FRYL: variants seen among roughly 807,000 people sequenced by gnomAD.
The protein encoded by FRYL is protein furry homolog-like.
A neutral mutation model predicts 351.2 loss-of-function variants in FRYL; 150 were observed. The observed-to-expected ratio is 0.43, with a 90% confidence interval of 0.37 to 0.49. The LOEUF (loss-of-function observed/expected upper bound fraction) is 0.49, where lower values mean the gene tolerates loss of function less well. Among genes scored for constraint, FRYL ranks in the 20% least tolerant of loss-of-function variants. FRYL has a pLI of 0.00. For missense variants in FRYL, 3,036 were observed against 3,619.3 expected, an observed-to-expected ratio of 0.84 and a Z score of 4.13; for synonymous variants, 1,153 against 1,257.1, an observed-to-expected ratio of 0.92 and a Z score of 1.75.
intron 1 of FRYL, among the ~76,000 whole-genome samples, chr4:48,746,544 TAA>T (rs75943469): frequency 1.5e-5 from 2 of 137,764 alleles, no homozygotes; most frequent in Admixed American, 7.3e-5. Context: ...GACTCCGTTT[TAA>T]AAAAAAAAAA....
At chr4:48,733,409 TG>T (rs1293584154) in intron 1 of FRYL, among the ~76,000 whole-genome samples, 1 of 151,950 alleles carries the variant, frequency 6.6e-6, no homozygotes, top group Non-Finnish European at 1.5e-5. Flanking sequence ...AATGTGTTGC[TG>T]GTGGACCTGC....
Position 48,773,483 on chromosome 4 carries a change from C to T in FRYL, c.-384+6595G>A, listed in dbSNP as rs115744021. On this transcript the variant is annotated intron_variant, in intron 1 of 63. Transcript: ENST00000358350. ...TTATTTGAGTCCAGTCTGCAGAACT[C>T]GAAACCTAAATTGTTTACTTGAAAA... Among the ~76,000 whole-genome samples the T allele has an allele frequency of 3.6e-3, 552 of 151,984 alleles. 4 individuals are homozygous for T. The highest frequency in any genetic ancestry group is 0.013 in the African/African-American group (522 of 41,422).
At chr4:48,553,795 C>A (rs1042949425) in intron 35 of FRYL, among the ~76,000 whole-genome samples, 2 of 152,160 alleles carry the variant, frequency 1.3e-5, no homozygotes, top group African/African-American at 2.4e-5. Flanking sequence ...TTTTATTCCG[C>A]CTTCCCCATT....
At chr4:48,576,965 C>T (rs776708125) in intron 23 of FRYL, among the ~76,000 whole-genome samples, 7 of 152,014 alleles carry the variant, frequency 4.6e-5, no homozygotes, top group African/African-American at 9.7e-5. Context: ...TTTAGACTTA[C>T]GTATTTTTCA....
intron 57 of FRYL, among the ~76,000 whole-genome samples, chr4:48,511,496 GTCAA>G (rs1465435718): frequency 6.6e-6 from 1 of 152,112 alleles, no homozygotes; most frequent in Non-Finnish European, 1.5e-5. Flanking sequence ...CTCATAGTAA[GTCAA>G]TCAATTAGAT....
intron 3 of FRYL, among the ~76,000 whole-genome samples, chr4:48,646,217 A>G (rs1372258631): frequency 6.6e-6 from 1 of 152,228 alleles, no homozygotes; most frequent in Non-Finnish European, 1.5e-5. Flanking sequence ...TCATATATCA[A>G]TAATGTAACT....
intron 2 of FRYL, among the ~76,000 whole-genome samples, chr4:48,702,455 CAAAAAAAAAAAAAAAAAAAA>C (rs34675617): frequency 5.1e-4 from 15 of 29,452 alleles, no homozygotes; most frequent in East Asian, 1.3e-3. Context: ...GACTCTGTCT[CAAAAAAAAAAAAAAAAAAAA>C]AAAAAAAAAA....
chr4:48,521,146 A>G lies in FRYL; in HGVS notation c.7591T>C (p.Ser2531Pro). 1 of 1,613,382 alleles carries G rather than the reference A, an allele frequency of 6.2e-7. No individual in the cohort carries two copies. The highest frequency in any genetic ancestry group is 1.3e-5 in the African/African-American group (1 of 75,008). Reference sequence around the variant, plus strand: ...TCCTCTGTTGTGATGCTGCCAGTGGAATCTTCAGACTGGAGAAGTAAGTCA... The same window carrying G: ...TCCTCTGTTGTGATGCTGCCAGTGGGATCTTCAGACTGGAGAAGTAAGTCA... ...HPDLLLQSED[S>P]TGSITTEEVL... Residue 2531 changes from serine (S) to proline (P), a missense_variant, in exon 55 of 64, where the codon TCC (serine) becomes CCC (proline). Physicochemically the swap from Ser to Pro is moderately conservative, Grantham distance 74. Coordinates refer to ENST00000358350, the MANE Select transcript of FRYL (RefSeq NM_015030.2).
chr4:48,515,154 T>C lies in FRYL; in HGVS notation c.7811A>G (p.Glu2604Gly), dbSNP rs745511469. The part of the protein sequence containing the change: ...CQGILDLEET[E>G]MPEPLAPESY... ...TTCAGGAGCTAGAGGCTCTGGCATT[T>C]CAGTTTCTTCTAAATCAAGAATTCC... The change falls in exon 56 of 64, where the codon GAA becomes GGA. Residue 2604 changes from glutamate to glycine, a missense_variant. Physicochemically the swap from Glu to Gly is moderately conservative, Grantham distance 98 (BLOSUM62 -2). Transcript: ENST00000358350. 2 of 1,613,900 alleles carry C rather than the reference T, an allele frequency of 1.2e-6. No individual in the cohort carries two copies. Among genetic ancestry groups the C allele is most frequent in the African/African-American group, 2.7e-5 (2 of 74,910 alleles).
At chr4:48,717,979 A>T (rs893065032) in intron 1 of FRYL, among the ~76,000 whole-genome samples, 1 of 151,680 alleles carries the variant, frequency 6.6e-6, no homozygotes, top group Non-Finnish European at 1.5e-5. Context: ...ATCACCTTAT[A>T]ACTCCATATA....
intron 3 of FRYL, among the ~76,000 whole-genome samples, chr4:48,651,295 G>C (rs1392996705): frequency 2.7e-4 from 10 of 37,082 alleles, no homozygotes; most frequent in Admixed American, 1.0e-3. Context: ...CTCACTGTGT[G>C]TGTGTGTGTG....
intron 1 of FRYL, among the ~76,000 whole-genome samples, chr4:48,743,804 G>A (rs1324274489): frequency 6.6e-6 from 1 of 152,204 alleles, no homozygotes; most frequent in Non-Finnish European, 1.5e-5. Flanking sequence ...CTTTTCAGAA[G>A]GGGGAATTCT....
chr4:48,759,059 C>T (rs1219998753), intron 1 of FRYL, among the ~76,000 whole-genome samples: 1 of 152,050 alleles, frequency 6.6e-6, no homozygotes, highest in Non-Finnish European at 1.5e-5. Context: ...CGGTGGGGAA[C>T]ATCACACACC....
intron 3 of FRYL, among the ~76,000 whole-genome samples, chr4:48,650,937 G>A (rs375642859): frequency 1.3e-5 from 2 of 152,306 alleles, no homozygotes; most frequent in East Asian, 3.9e-4. Flanking sequence ...TGGGGTGAAA[G>A]AGGCGTGGTA....
chr4:48,592,553 T>C (rs1743637995), intron 16 of FRYL, among the ~76,000 whole-genome samples: 1 of 152,292 alleles, frequency 6.6e-6, no homozygotes, highest in East Asian at 1.9e-4. Flanking sequence ...GAAATAAATT[T>C]ATTCAATAGA....
At chr4:48,671,131 TA>T (rs1338183071) in intron 3 of FRYL, among the ~76,000 whole-genome samples, 1 of 152,196 alleles carries the variant, frequency 6.6e-6, no homozygotes, top group Non-Finnish European at 1.5e-5. Context: ...GTCTTTTGGA[TA>T]AAAGTCATTT....
chr4:48,687,509 A>AGGGGGG (rs1560861203), intron 2 of FRYL, among the ~76,000 whole-genome samples: 1 of 9,812 alleles, frequency 1.0e-4, no homozygotes, highest in Non-Finnish European at 2.1e-4. Context: ...GGGGGGGGTG[A>AGGGGGG]GGGGGGAGGG....
chr4:48,596,099 A>T (rs1174620354), intron 13 of FRYL, 99 bp from the exon 14 acceptor site: 35 of 783,692 alleles, frequency 4.5e-5, no homozygotes, highest in Non-Finnish European at 7.3e-5. Flanking sequence ...TCTTTTTTGT[A>T]TTCAGTCTAA....
chr4:48,539,827 T>C (rs1729755008), intron 47 of FRYL, 144 bp downstream of exon 47: 2 of 590,572 alleles, frequency 3.4e-6, no homozygotes, highest in South Asian at 5.1e-5. Context: ...GCAAGTCCTT[T>C]ATGTGCATAA....
Sources: allele counts gnomAD v4.1 joint callset (sites outside exome capture counted in the v4.1 genomes callset), GRCh38; gene constraint gnomAD v4.1.1; transcripts MANE v1.5; gene names NCBI Gene and HGNC (gene_info 2026-07-23, HGNC 2026-07-21).